Variants in PLCH1 observed in about 807,000 individuals in gnomAD.
PLCH1 encodes the protein 1-phosphatidylinositol 4,5-bisphosphate phosphodiesterase eta-1.
In PLCH1, 60 loss-of-function variants were observed where a neutral mutation model predicts 126.7. The observed-to-expected ratio is 0.47, with a 90% CI of 0.38 to 0.59. The LOEUF (loss-of-function observed/expected upper bound fraction) is 0.59, where lower values mean the gene tolerates loss of function less well. Among genes scored for constraint, PLCH1 ranks in the 20% least tolerant of loss-of-function variants. The probability of loss-of-function intolerance (pLI) is 0.00; values close to 1 mark genes in which losing one functional copy is unlikely to be tolerated. For synonymous variants in PLCH1, 719 were observed against 734.9 expected (o/e 0.98, Z 0.35); for missense variants, 1,723 against 2,040.0 (o/e 0.84, Z 2.99).
intron 2 of PLCH1, among the ~76,000 whole-genome samples, chr3:155,614,701 C>A (rs528356844): frequency 3.6e-4 from 55 of 152,218 alleles, no homozygotes; most frequent in African/African-American, 1.3e-3. Flanking sequence ...CCCTATTCAA[C>A]AAATAGTGCT....
In PLCH1 at chr3:155,500,854, G is replaced by C. The variant is rs3762715; in HGVS notation, c.1705-60C>G. ...ATTGTATCAAGTATATTTACAACATGCAGAGAATGAGCTGGGCTTTAAAAT... is the reference window on the plus strand; with the variant it reads ...ATTGTATCAAGTATATTTACAACATCCAGAGAATGAGCTGGGCTTTAAAAT... On this transcript the variant is annotated intron_variant, in intron 13 of 22. Transcript: ENST00000460012. 6,405 of 1,100,982 alleles carry C rather than the reference G, an allele frequency of 5.8e-3. 248 individuals are homozygous for C. In the South Asian group the frequency reaches 0.071, roughly 12 times the overall value. 68.2% of individuals were successfully genotyped at this position (1,100,982 alleles called of 1,614,324 possible).
intron 2 of PLCH1, among the ~76,000 whole-genome samples, chr3:155,609,730 C>T (rs113215753): frequency 0.04 from 6,104 of 151,988 alleles, 209 homozygotes; most frequent in African/African-American, 0.088. Context: ...ATGAAAGACA[C>T]TTAGAGAAAT....
intron 21 of PLCH1, chr3:155,486,283 G>T: frequency 1.2e-6 from 1 of 846,670 alleles, no homozygotes; most frequent in Non-Finnish European, 1.9e-6. Context: ...AAACACAAAA[G>T]AAAAAATGCA....
At chr3:155,615,066 A>C (rs1275427342) in intron 2 of PLCH1, among the ~76,000 whole-genome samples, 1 of 152,218 alleles carries the variant, frequency 6.6e-6, no homozygotes, top group African/African-American at 2.4e-5. Flanking sequence ...AGAATCTACA[A>C]GGAATTCAAA....
intron 6 of PLCH1, among the ~76,000 whole-genome samples, chr3:155,574,519 C>T (rs1167146671): frequency 6.6e-6 from 1 of 152,180 alleles, no homozygotes; most frequent in Non-Finnish European, 1.5e-5. Flanking sequence ...TGTTGCTCCT[C>T]TCCTGTTCTC....
rs1491419516 is a variant in PLCH1 at position 155,699,848 on chromosome 3, A to ACACACACACACACACACACACC, written c.79+4297_79+4298insGGTGTGTGTGTGTGTGTGTGTG. ...CACACACACACACACACACACACAC[A>ACACACACACACACACACACACC]CCACTACCTCTCTCCCCTAAAGGGA... On this transcript the variant is annotated intron_variant, in intron 2 of 22. Transcript: ENST00000460012. Among the ~76,000 whole-genome samples the ACACACACACACACACACACACC allele has an allele frequency of 4.1e-3, 603 of 147,612 alleles. 2 individuals are homozygous for ACACACACACACACACACACACC. Among genetic ancestry groups the ACACACACACACACACACACACC allele is most frequent in the African/African-American group, 0.014 (565 of 40,386 alleles).
intron 2 of PLCH1, among the ~76,000 whole-genome samples, chr3:155,646,905 G>T (rs1445571800): frequency 1.3e-5 from 2 of 152,206 alleles, no homozygotes; most frequent in Non-Finnish European, 2.9e-5. Context: ...CATACCTGTG[G>T]TTGTTTTAAA....
At chr3:155,550,526 A>C (rs536824963) in intron 9 of PLCH1, among the ~76,000 whole-genome samples, 1 of 152,186 alleles carries the variant, frequency 6.6e-6, no homozygotes, top group Non-Finnish European at 1.5e-5. Flanking sequence ...GTCAAAAAAT[A>C]AAAATAAAAA....
intron 2 of PLCH1, among the ~76,000 whole-genome samples, chr3:155,614,953 A>G (rs1735599266): frequency 6.6e-6 from 1 of 152,080 alleles, no homozygotes; most frequent in African/African-American, 2.4e-5. Flanking sequence ...CTAAACTAAA[A>G]AGCTTCTGCA....
chr3:155,667,640 T>C (rs904150574), intron 2 of PLCH1, among the ~76,000 whole-genome samples: 7 of 152,180 alleles, frequency 4.6e-5, no homozygotes, highest in Non-Finnish European at 8.8e-5. Flanking sequence ...AGAAATATTA[T>C]GTCCAGCCCC....
chr3:155,530,747 C>T (rs1480294122), intron 10 of PLCH1, among the ~76,000 whole-genome samples: 1 of 152,172 alleles, frequency 6.6e-6, no homozygotes, highest in Non-Finnish European at 1.5e-5. Context: ...TTCTTAATGG[C>T]ATTTAGAATG....
intron 2 of PLCH1, among the ~76,000 whole-genome samples, chr3:155,655,655 A>T (rs894156136): frequency 6.6e-6 from 1 of 152,140 alleles, no homozygotes; most frequent in Non-Finnish European, 1.5e-5. Context: ...CCATGTACAT[A>T]TAAGTGATAA....
intron 10 of PLCH1, among the ~76,000 whole-genome samples, chr3:155,535,741 T>C (rs1234583578): frequency 6.6e-6 from 1 of 152,320 alleles, no homozygotes; most frequent in East Asian, 1.9e-4. Context: ...GGGAGCTCTA[T>C]GGCCCTGCCC....
chr3:155,728,946 ACAG>A (rs1314759156), intron 1 of PLCH1, among the ~76,000 whole-genome samples: 2 of 152,334 alleles, frequency 1.3e-5, no homozygotes, highest in East Asian at 3.9e-4. Context: ...TGACATACAA[ACAG>A]CAGATTTATT....
intron 2 of PLCH1, among the ~76,000 whole-genome samples, chr3:155,671,605 C>T (rs561547456): frequency 3.6e-4 from 54 of 152,058 alleles, no homozygotes; most frequent in Middle Eastern, 6.8e-3. Flanking sequence ...ATAAAAGAGG[C>T]AAAGGTTTGG....
At chr3:155,671,269 T>C (rs1211981515) in intron 2 of PLCH1, among the ~76,000 whole-genome samples, 2 of 152,206 alleles carry the variant, frequency 1.3e-5, no homozygotes, top group African/African-American at 4.8e-5. Context: ...ATGATGAAGA[T>C]TGCTAGTTGC....
chr3:155,604,813 G>A (rs778913839), intron 2 of PLCH1, among the ~76,000 whole-genome samples: 4 of 152,138 alleles, frequency 2.6e-5, no homozygotes, highest in South Asian at 4.1e-4. Context: ...CCTGCTAGCC[G>A]GGCTTCTGGC....
chr3:155,709,328 G>A (rs1485805589), intron 1 of PLCH1, among the ~76,000 whole-genome samples: 1 of 152,178 alleles, frequency 6.6e-6, no homozygotes, highest in Non-Finnish European at 1.5e-5. Flanking sequence ...TGTGGTAAGA[G>A]TATGTTTAGT....
At chr3:155,637,762 C>T (rs1738911660) in intron 2 of PLCH1, among the ~76,000 whole-genome samples, 1 of 152,168 alleles carries the variant, frequency 6.6e-6, no homozygotes, top group Non-Finnish European at 1.5e-5. Flanking sequence ...CAAGAAAGAA[C>T]CTCTCACCTA....
Sources: gnomAD v4.1 joint callset for allele counts (sites outside exome capture counted in the v4.1 genomes callset) on GRCh38, gnomAD v4.1.1 for gene constraint, MANE v1.5 for transcripts, NCBI Gene and HGNC (gene_info 2026-07-23, HGNC 2026-07-21) for gene names.